The following ST18 variants were observed in gnomAD, a reference collection of about 807,000 sequenced individuals.
ST18 encodes the protein suppression of tumorigenicity 18 protein.
A neutral mutation model predicts 110.0 loss-of-function variants in ST18; 50 were observed. The ratio of observed to expected loss-of-function variants is 0.45; its 90% CI spans 0.36 to 0.58. The LOEUF (loss-of-function observed/expected upper bound fraction) is 0.58, where lower values mean the gene tolerates loss of function less well. Ranked by LOEUF, ST18 falls within the 20% of genes least tolerant of loss-of-function variation. ST18 has a pLI of 0.00. For synonymous variants in ST18, 461 were observed against 452.4 expected (o/e 1.02, Z -0.24); for missense variants, 1,306 against 1,280.1 (o/e 1.02, Z -0.31).
intron 2 of ST18, among the ~76,000 whole-genome samples, chr8:52,303,864 T>C (rs189223295): frequency 1.3e-5 from 2 of 152,316 alleles, no homozygotes; most frequent in Admixed American, 6.5e-5. Context: ...GTAGACATTA[T>C]TGGTACAATT....
intron 12 of ST18, 84 bp downstream of exon 12, chr8:52,165,051 A>G: frequency 7.5e-7 from 1 of 1,329,352 alleles, no homozygotes. Context: ...TTTTCATCAC[A>G]CATTGGTAAC....
At chr8:52,276,235 C>T (rs950123873) in intron 2 of ST18, among the ~76,000 whole-genome samples, 13 of 10,062 alleles carry the variant, frequency 1.3e-3, no homozygotes, top group African/African-American at 4.0e-3. Context: ...ACTACACACA[C>T]CACACACACC....
At chr8:52,337,722 G>C (rs1328884341) in intron 2 of ST18, among the ~76,000 whole-genome samples, 1 of 152,214 alleles carries the variant, frequency 6.6e-6, no homozygotes. Flanking sequence ...GTTTCTCAGG[G>C]ATACCAAAGC....
chr8:52,385,482 C>G (rs537932740), intron 2 of ST18, among the ~76,000 whole-genome samples: 5 of 151,968 alleles, frequency 3.3e-5, no homozygotes, highest in Non-Finnish European at 5.9e-5. Context: ...AGCCTGTAAT[C>G]CCAGCTACTC....
chr8:52,305,214 G>A (rs951367808), intron 2 of ST18, among the ~76,000 whole-genome samples: 2 of 152,198 alleles, frequency 1.3e-5, no homozygotes, highest in African/African-American at 4.8e-5. Flanking sequence ...TTATACCACA[G>A]TAAATGGAAG....
chr8:52,322,340 C>T (rs1286841027), intron 2 of ST18, among the ~76,000 whole-genome samples: 2 of 152,102 alleles, frequency 1.3e-5, no homozygotes, highest in Non-Finnish European at 2.9e-5. Flanking sequence ...TAAGCTAGTT[C>T]AGATTGAATT....
chr8:52,271,214 G>C (rs1181603465), intron 2 of ST18, among the ~76,000 whole-genome samples: 3 of 152,078 alleles, frequency 2.0e-5, no homozygotes, highest in African/African-American at 4.8e-5. Flanking sequence ...TCTCGAAAAA[G>C]ATTTTTAAAA....
intron 2 of ST18, among the ~76,000 whole-genome samples, chr8:52,376,211 A>G (rs1310337740): frequency 6.6e-6 from 1 of 152,190 alleles, no homozygotes; most frequent in Non-Finnish European, 1.5e-5. Flanking sequence ...AGTACAAGCC[A>G]ACACTCTTAC....
At chr8:52,386,979 C>T (rs573530886) in intron 2 of ST18, among the ~76,000 whole-genome samples, 3 of 152,182 alleles carry the variant, frequency 2.0e-5, no homozygotes, top group Admixed American at 6.5e-5. Context: ...AAGCACTTTG[C>T]AAAACACATT....
chr8:52,331,932 A>C (rs1809629114), intron 2 of ST18, among the ~76,000 whole-genome samples: 1 of 152,234 alleles, frequency 6.6e-6, no homozygotes, highest in South Asian at 2.1e-4. Flanking sequence ...TTCTGCCATC[A>C]TCACAGAATT....
chr8:52,252,065 A>G (rs1036888230), intron 2 of ST18, among the ~76,000 whole-genome samples: 1 of 152,050 alleles, frequency 6.6e-6, no homozygotes, highest in Non-Finnish European at 1.5e-5. Context: ...CATAGAAACT[A>G]TTTGCAATGA....
chr8:52,378,397 AT>A (rs968638280), intron 2 of ST18, among the ~76,000 whole-genome samples: 15 of 152,180 alleles, frequency 9.9e-5, no homozygotes, highest in East Asian at 5.8e-4. Flanking sequence ...TAATAATTAA[AT>A]TTTTTTTAAA....
intron 2 of ST18, among the ~76,000 whole-genome samples, chr8:52,273,868 C>A (rs997790411): frequency 6.6e-6 from 1 of 152,172 alleles, no homozygotes; most frequent in Non-Finnish European, 1.5e-5. Flanking sequence ...TTGCAACATG[C>A]ATACAGTGTA....
chr8:52,235,193 T>TA (rs796318325), intron 2 of ST18, among the ~76,000 whole-genome samples: 8 of 151,656 alleles, frequency 5.3e-5, no homozygotes, highest in African/African-American at 1.7e-4. Flanking sequence ...AAATAAAAAA[T>TA]AAAAAAAAGA....
intron 2 of ST18, among the ~76,000 whole-genome samples, chr8:52,305,836 T>C (rs1268418255): frequency 6.6e-6 from 1 of 152,222 alleles, no homozygotes; most frequent in African/African-American, 2.4e-5. Context: ...AAGTGTCTCC[T>C]AACAGGACTC....
intron 2 of ST18, among the ~76,000 whole-genome samples, chr8:52,348,722 C>CA (rs1818878429): frequency 6.6e-6 from 1 of 151,752 alleles, no homozygotes; most frequent in South Asian, 2.1e-4. Context: ...TCAGCCTGAG[C>CA]AAAAAAATGC....
chr8:52,237,867 A>G (rs2092897660), intron 2 of ST18, among the ~76,000 whole-genome samples: 2 of 152,222 alleles, frequency 1.3e-5, no homozygotes, highest in African/African-American at 2.4e-5. Flanking sequence ...TTACAGCTCA[A>G]TAATAAAAAG....
intron 14 of ST18, 118 bp downstream of exon 14, chr8:52,161,257 C>G: frequency 1.0e-6 from 1 of 970,852 alleles, no homozygotes; most frequent in South Asian, 2.4e-5. Flanking sequence ...TATTTTCTCT[C>G]CTGCCAGCTG....
intron 2 of ST18, among the ~76,000 whole-genome samples, chr8:52,259,556 G>A (rs1016756222): frequency 6.6e-6 from 1 of 152,074 alleles, no homozygotes; most frequent in Non-Finnish European, 1.5e-5. Flanking sequence ...AATGAAAGAT[G>A]ATAAATGATT....
Sources: allele counts gnomAD v4.1 joint callset (sites outside exome capture counted in the v4.1 genomes callset), GRCh38; gene constraint gnomAD v4.1.1; transcripts MANE v1.5; gene names NCBI Gene and HGNC (gene_info 2026-07-23, HGNC 2026-07-21).